Variants in ASH1L observed in about 807,000 individuals in gnomAD.
The protein encoded by ASH1L is ASH1 like histone lysine methyltransferase.
Under a neutral mutation model 269.0 loss-of-function variants are expected in ASH1L, and 23 were observed. That is an observed-to-expected ratio of 0.09 (90% CI 0.06 to 0.12). The LOEUF (loss-of-function observed/expected upper bound fraction) is 0.12. Among genes scored for constraint, ASH1L ranks in the 10% least tolerant of loss-of-function variants. The pLI is 1.00. For synonymous variants in ASH1L, 1,187 were observed against 1,253.5 expected (o/e 0.95, Z 1.12); for missense variants, 2,912 against 3,567.8 (o/e 0.82, Z 4.68).
At chr1:155,434,485 C>T (rs1661910368) in intron 5 of ASH1L, among the ~76,000 whole-genome samples, 2 of 130,910 alleles carry the variant, frequency 1.5e-5, no homozygotes, top group Admixed American at 8.4e-5. Flanking sequence ...TCACTTTTTT[C>T]TTAAGCCTGG....
chr1:155,338,804 A>C (rs977430278), intron 26 of ASH1L, among the ~76,000 whole-genome samples: 1 of 152,214 alleles, frequency 6.6e-6, no homozygotes, highest in South Asian at 2.1e-4. Context: ...CAATAGTCTA[A>C]TATTTTCTCC....
intron 5 of ASH1L, chr1:155,434,102 G>A (rs1487371613): frequency 2.5e-6 from 4 of 1,592,998 alleles, no homozygotes; most frequent in Non-Finnish European, 3.4e-6. Flanking sequence ...TTTCTCAGGG[G>A]TACCAGTATC....
At chr1:155,530,134 A>C (rs1475864907) in intron 1 of ASH1L, among the ~76,000 whole-genome samples, 1 of 151,932 alleles carries the variant, frequency 6.6e-6, no homozygotes, top group African/African-American at 2.4e-5. Flanking sequence ...TCTTTGTCTA[A>C]ACGTAATTTT....
chr1:155,490,987 A>G (rs1666740892), intron 2 of ASH1L, among the ~76,000 whole-genome samples: 1 of 62,596 alleles, frequency 1.6e-5, no homozygotes, highest in Non-Finnish European at 3.2e-5. Flanking sequence ...AAAAAAAAAA[A>G]AAAAAAAAAA....
chr1:155,465,625 G>A (rs993632618), intron 3 of ASH1L, among the ~76,000 whole-genome samples: 1 of 152,142 alleles, frequency 6.6e-6, no homozygotes, highest in Non-Finnish European at 1.5e-5. Flanking sequence ...CACTGAAATT[G>A]TTCCTTCCCA....
intron 6 of ASH1L, among the ~76,000 whole-genome samples, chr1:155,399,106 T>G (rs1658614440): frequency 6.6e-6 from 1 of 152,192 alleles, no homozygotes; most frequent in African/African-American, 2.4e-5. Context: ...ATGAAATTGA[T>G]GAACCAAAAT....
chr1:155,364,576 C>T (rs536682849), intron 12 of ASH1L, among the ~76,000 whole-genome samples: 2 of 152,100 alleles, frequency 1.3e-5, no homozygotes, highest in South Asian at 2.1e-4. Flanking sequence ...ACATATTAAG[C>T]GCTGTTGTAT....
In ASH1L at chr1:155,336,790, G is replaced by T. The variant is rs911717880; in HGVS notation, c.*870C>A. On this transcript the variant is annotated 3_prime_UTR_variant, in exon 28 of 28. Transcript: ENST00000392403. ...TTTATGTAGTGACTTTTGTTGCAGG[G>T]GTGGGTTTAGAGTTCTTTTTATGTA... 41 of 152,282 alleles carry T rather than the reference G, an allele frequency of 2.7e-4. No homozygotes were observed. Among genetic ancestry groups the T allele is most frequent in the African/African-American group, 9.2e-4 (38 of 41,412 alleles). The allele number at this position is 152,282 out of a possible 1,614,324, so 9.4% of individuals were successfully genotyped here.
chr1:155,348,031 A>G (rs1653515745), intron 19 of ASH1L, 127 bp from the exon 20 acceptor site: 2 of 1,093,604 alleles, frequency 1.8e-6, no homozygotes, highest in Non-Finnish European at 2.7e-6. Flanking sequence ...TTTCAATAGT[A>G]TCAAATATAT....
intron 7 of ASH1L, among the ~76,000 whole-genome samples, chr1:155,381,099 G>A (rs1368623293): frequency 6.6e-6 from 1 of 152,086 alleles, no homozygotes; most frequent in Non-Finnish European, 1.5e-5. Context: ...TGTTTGTGGT[G>A]ATGCTGGTGC....
chr1:155,431,490 G>A (rs1018762786), intron 5 of ASH1L, among the ~76,000 whole-genome samples: 1 of 151,844 alleles, frequency 6.6e-6, no homozygotes, highest in Non-Finnish European at 1.5e-5. Context: ...GACCAGGTGC[G>A]GTGCTCACAC....
intron 6 of ASH1L, among the ~76,000 whole-genome samples, chr1:155,415,275 G>C (rs145473879): frequency 3.4e-4 from 51 of 151,544 alleles, no homozygotes; most frequent in Non-Finnish European, 7.4e-4. Context: ...CCAGCTACTC[G>C]GGAGGCTGAG....
At position 155,481,424 on chromosome 1, in the gene ASH1L, T is replaced by G. The variant is rs767928507; in HGVS notation, c.1446A>C (p.Ser482=). 2 of 1,614,084 alleles carry G rather than the reference T, an allele frequency of 1.2e-6. No individual in the cohort carries two copies. Among genetic ancestry groups the G allele is most frequent in the Non-Finnish European group, 1.7e-6 (2 of 1,179,966 alleles). ...QNKESILEKF[S]VRKEIINLEK... is the part of the protein sequence containing the mutation. ...CCAAATTAATGATTTCTTTTCGTACTGAGAACTTTTCCAATATGCTTTCTT... is the reference window on the plus strand; with the variant it reads ...CCAAATTAATGATTTCTTTTCGTACGGAGAACTTTTCCAATATGCTTTCTT... The change falls in exon 3 of 28, where the codon TCA becomes TCC. Residue 482 remains serine, a synonymous_variant. Coordinates refer to ENST00000392403, the MANE Select transcript of ASH1L (RefSeq NM_018489.3).
intron 2 of ASH1L, among the ~76,000 whole-genome samples, chr1:155,511,382 G>C (rs1296093099): frequency 1.3e-5 from 2 of 152,186 alleles, no homozygotes; most frequent in African/African-American, 4.8e-5. Flanking sequence ...TGTTTTTCTA[G>C]ATTCAGGAGA....
At chr1:155,413,006 G>T (rs1659925758) in intron 6 of ASH1L, among the ~76,000 whole-genome samples, 1 of 151,864 alleles carries the variant, frequency 6.6e-6, no homozygotes, top group Non-Finnish European at 1.5e-5. Context: ...GAAAAACACA[G>T]TCTGAGAGGT....
chr1:155,485,665 G>C (rs1245523828), intron 2 of ASH1L, among the ~76,000 whole-genome samples: 2 of 152,132 alleles, frequency 1.3e-5, no homozygotes, highest in Non-Finnish European at 2.9e-5. Flanking sequence ...AGAAGTAAAA[G>C]GCTATACTTT....
Position 155,378,484 on chromosome 1 carries a change from T to C in ASH1L, c.6223+19A>G, listed in dbSNP as rs182826556. The stretch of plus-strand genomic sequence containing the variant: ...CATTAACGTATAGAGGCAGAAAAAA[T>C]AGCTCCTAAGTTACTCACTTGAACG... On this transcript the variant is annotated intron_variant, in intron 9 of 27. Transcript: ENST00000392403. 4 of 1,613,236 alleles carry C rather than the reference T, an allele frequency of 2.5e-6. No homozygotes were observed. Among genetic ancestry groups the C allele is most frequent in the Admixed American group, 3.3e-5 (2 of 59,912 alleles).
chr1:155,554,267 T>A (rs1294167540), intron 1 of ASH1L, among the ~76,000 whole-genome samples: 1 of 151,544 alleles, frequency 6.6e-6, no homozygotes, highest in African/African-American at 2.4e-5. Flanking sequence ...TTTTTTTAAT[T>A]TATGTATTTA....
chr1:155,360,961 C>G (rs1654887949), intron 12 of ASH1L, among the ~76,000 whole-genome samples: 1 of 151,868 alleles, frequency 6.6e-6, no homozygotes, highest in Admixed American at 6.6e-5. Flanking sequence ...CAAGACCAGA[C>G]CAGGCGCCGT....
Sources: gnomAD v4.1 joint callset for allele counts (sites outside exome capture counted in the v4.1 genomes callset) on GRCh38, gnomAD v4.1.1 for gene constraint, MANE v1.5 for transcripts, NCBI Gene and HGNC (gene_info 2026-07-23, HGNC 2026-07-21) for gene names.